GRID2: variants seen among roughly 807,000 people sequenced by gnomAD.
GRID2 encodes the protein glutamate receptor ionotropic, delta-2.
A neutral mutation model predicts 114.8 loss-of-function variants in GRID2; 33 were observed. The observed-to-expected ratio is 0.29, with a 90% CI of 0.22 to 0.38. GRID2 has a LOEUF of 0.38. Ranked by LOEUF, GRID2 falls within the 10% of genes least tolerant of loss-of-function variation. GRID2 has a pLI of 1.00. For synonymous variants in GRID2, 505 were observed against 449.9 expected (o/e 1.12, Z -1.55); for missense variants, 1,184 against 1,257.7 (o/e 0.94, Z 0.89).
chr4:93,399,115 A>G (rs753618691), intron 9 of GRID2, among the ~76,000 whole-genome samples: 5 of 151,866 alleles, frequency 3.3e-5, no homozygotes, highest in Admixed American at 6.6e-5. Flanking sequence ...TGTCACCTAA[A>G]CGCAACCTCC....
rs181943502 is a variant in GRID2 at position 92,963,794 on chromosome 4, T to G, written c.245-121201T>G. ...CTTTACCCAGACCCATTGGAAAAAT[T>G]GCTATCTATGACAGCTGTAGCCTTA... On this transcript the variant is annotated intron_variant, in intron 2 of 15. Coordinates refer to ENST00000282020, the MANE Select transcript of GRID2 (RefSeq NM_001510.4). 5.7e-3 allele frequency among the ~76,000 whole-genome samples: 860 copies of G among 152,138 alleles called. 4 individuals carry two copies. The highest frequency in any genetic ancestry group is 7.7e-3 in the Non-Finnish European group (525 of 67,954).
intron 8 of GRID2, among the ~76,000 whole-genome samples, chr4:93,326,382 G>A (rs938845431): frequency 5.3e-5 from 8 of 152,110 alleles, no homozygotes; most frequent in African/African-American, 1.7e-4. Flanking sequence ...AAATATTCCT[G>A]GTGCTTGTGT....
chr4:93,228,317 A>G (rs1745734265), intron 7 of GRID2, among the ~76,000 whole-genome samples: 1 of 152,182 alleles, frequency 6.6e-6, no homozygotes, highest in African/African-American at 2.4e-5. Context: ...AGAGACAAAA[A>G]GGGGACCAAA....
At chr4:93,087,261 C>T (rs1336457900) in intron 3 of GRID2, among the ~76,000 whole-genome samples, 5 of 151,674 alleles carry the variant, frequency 3.3e-5, no homozygotes, top group Admixed American at 6.6e-5. Context: ...AGGATGGTCT[C>T]GATCTCCTGA....
intron 2 of GRID2, among the ~76,000 whole-genome samples, chr4:92,744,483 A>G (rs1258157834): frequency 6.8e-6 from 1 of 147,950 alleles, no homozygotes; most frequent in African/African-American, 2.5e-5. Context: ...GCAATCCTCC[A>G]TCTCAAAAAA....
intron 2 of GRID2, among the ~76,000 whole-genome samples, chr4:93,032,521 T>C (rs952269750): frequency 1.3e-5 from 2 of 152,188 alleles, no homozygotes; most frequent in African/African-American, 4.8e-5. Context: ...ACCTCTTATA[T>C]TCTAAGGAAT....
chr4:92,832,280 A>T (rs1742160149), intron 2 of GRID2, among the ~76,000 whole-genome samples: 1 of 152,080 alleles, frequency 6.6e-6, no homozygotes, highest in Admixed American at 6.6e-5. Flanking sequence ...TCTTTACTAA[A>T]AATTAAAAAA....
intron 8 of GRID2, among the ~76,000 whole-genome samples, chr4:93,262,368 A>G (rs554806994): frequency 9.2e-4 from 140 of 152,066 alleles, no homozygotes; most frequent in Non-Finnish European, 1.6e-3. Flanking sequence ...TTTTGATGAA[A>G]GCTGAGAACG....
At chr4:92,529,318 C>G (rs544419316) in intron 1 of GRID2, among the ~76,000 whole-genome samples, 4 of 152,142 alleles carry the variant, frequency 2.6e-5, no homozygotes, top group Non-Finnish European at 5.9e-5. Context: ...ACAAATCGTT[C>G]AGCCACGTAA....
chr4:92,816,048 G>T (rs1740888075), intron 2 of GRID2, among the ~76,000 whole-genome samples: 1 of 151,106 alleles, frequency 6.6e-6, no homozygotes, highest in Non-Finnish European at 1.5e-5. Context: ...AAGCATGGTG[G>T]CTCATGCCTG....
intron 1 of GRID2, among the ~76,000 whole-genome samples, chr4:93,794,679 T>A (rs1267264578): frequency 1.3e-5 from 2 of 152,260 alleles, no homozygotes; most frequent in Non-Finnish European, 1.5e-5. Context: ...AACTTGCAGA[T>A]AATTTTTGTT....
chr4:92,947,675 T>C (rs1751736732), intron 2 of GRID2, among the ~76,000 whole-genome samples: 1 of 151,796 alleles, frequency 6.6e-6, no homozygotes, highest in African/African-American at 2.4e-5. Context: ...AGCCTTCAAA[T>C]AGTCTTCAGA....
intron 2 of GRID2, among the ~76,000 whole-genome samples, chr4:92,717,327 A>T (rs1429342812): frequency 6.6e-6 from 1 of 152,196 alleles, no homozygotes; most frequent in Non-Finnish European, 1.5e-5. Context: ...GGCAAGAATA[A>T]ACCTTAATAG....
At chr4:92,818,382 A>T (rs1041532950) in intron 2 of GRID2, among the ~76,000 whole-genome samples, 1 of 152,158 alleles carries the variant, frequency 6.6e-6, no homozygotes, top group African/African-American at 2.4e-5. Flanking sequence ...AGGAAACATT[A>T]AAAAAGAAAA....
intron 2 of GRID2, among the ~76,000 whole-genome samples, chr4:92,981,424 G>A (rs534884090): frequency 9.9e-5 from 15 of 152,040 alleles, no homozygotes; most frequent in African/African-American, 3.4e-4. Context: ...GTACACTTGA[G>A]TAATTCTTGT....
intron 1 of GRID2, among the ~76,000 whole-genome samples, chr4:92,326,440 C>A (rs1726601900): frequency 6.6e-6 from 1 of 151,774 alleles, no homozygotes; most frequent in South Asian, 2.1e-4. Flanking sequence ...GTGCCACTAT[C>A]ATGAATGTAA....
intron 2 of GRID2, among the ~76,000 whole-genome samples, chr4:92,771,374 T>G (rs2149352370): frequency 6.6e-6 from 1 of 152,348 alleles, no homozygotes; most frequent in East Asian, 1.9e-4. Flanking sequence ...CTTTTTCACA[T>G]GTGACTCCCT....
chr4:93,222,720 G>T (rs567547272), intron 6 of GRID2, among the ~76,000 whole-genome samples: 41 of 152,052 alleles, frequency 2.7e-4, no homozygotes, highest in Non-Finnish European at 5.1e-4. Flanking sequence ...GCGGTGTTTG[G>T]TTTTTTGTCC....
At chr4:92,937,097 T>A (rs563422950) in intron 2 of GRID2, among the ~76,000 whole-genome samples, 1 of 146,716 alleles carries the variant, frequency 6.8e-6, no homozygotes, top group South Asian at 2.3e-4. Flanking sequence ...TTATCAGATA[T>A]AAGATTTGCA....
Sources: gnomAD v4.1 joint callset for allele counts (sites outside exome capture counted in the v4.1 genomes callset) on GRCh38, gnomAD v4.1.1 for gene constraint, MANE v1.5 for transcripts, NCBI Gene and HGNC (gene_info 2026-07-23, HGNC 2026-07-21) for gene names.